The following SERPINB7 variants were observed in gnomAD, a reference collection of about 807,000 sequenced individuals.
The protein encoded by SERPINB7 is serpin family B member 7.
In SERPINB7, 31 loss-of-function variants were observed where a neutral mutation model predicts 37.4. The ratio of observed to expected loss-of-function variants is 0.83; its 90% confidence interval spans 0.62 to 1.12. The LOEUF (loss-of-function observed/expected upper bound fraction) is 1.12, where lower values mean the gene tolerates loss of function less well. Ranked by LOEUF, SERPINB7 falls within the 50% of genes most tolerant of loss-of-function variation. The probability of loss-of-function intolerance (pLI) is 0.00; values close to 1 mark genes in which losing one functional copy is unlikely to be tolerated. For synonymous variants in SERPINB7, 163 were observed against 166.1 expected (o/e 0.98, Z 0.14); for missense variants, 521 against 455.3 (o/e 1.14, Z -1.31).
rs147464496 is a variant in SERPINB7 at position 63,763,950 on chromosome 18, C to T, written c.-19+10830C>T. ...CAATGAACCCAGAAAAGAACAAGTT[C>T]GACCTGTGTTACTAAATGGGTCACT... On this transcript the variant is annotated intron_variant, in intron 1 of 7. Transcript: ENST00000336429. 3.4e-3 allele frequency among the ~76,000 whole-genome samples: 513 copies of T among 152,234 alleles called. 2 individuals carry two copies. Among genetic ancestry groups the T allele is most frequent in the African/African-American group, 0.012 (498 of 41,540 alleles).
chr18:63,763,320 G>A (rs1031929625), intron 1 of SERPINB7, among the ~76,000 whole-genome samples: 11 of 152,040 alleles, frequency 7.2e-5, no homozygotes, highest in South Asian at 2.1e-4. Flanking sequence ...CTAATATATC[G>A]TCCAGAAAGT....
chr18:63,763,064 C>T (rs2049162850), intron 1 of SERPINB7, among the ~76,000 whole-genome samples: 1 of 152,084 alleles, frequency 6.6e-6, no homozygotes, highest in Non-Finnish European at 1.5e-5. Context: ...ACTCCTTTAA[C>T]TGTGGATTTG....
chr18:63,783,835 G>A (rs890999984), intron 2 of SERPINB7, among the ~76,000 whole-genome samples: 2 of 152,186 alleles, frequency 1.3e-5, no homozygotes, highest in Non-Finnish European at 2.9e-5. Context: ...GGAATCTGGT[G>A]CCTGTTGTAA....
rs1288300325 is a variant in SERPINB7, at chr18:63,804,446, A to T, written c.954A>T (p.Ile318=). Residue 318 remains isoleucine, a synonymous_variant, in exon 8 of 8, where the codon ATA becomes ATT. Transcript: ENST00000398019. ...SGIASGGRLY[I]SRMMHKSYIE... is the part of the protein sequence containing the mutation. ...TTGCTTCGGGGGGTCGTCTGTATAT[A>T]TCAAGGATGATGCACAAATCTTACA... The T allele has an allele frequency of 6.2e-7, 1 of 1,613,690 alleles. No individual in the cohort carries two copies. Among genetic ancestry groups the T allele is most frequent in the East Asian group, 2.2e-5 (1 of 44,874 alleles).
At chr18:63,760,481 C>A (rs537760493) in intron 1 of SERPINB7, among the ~76,000 whole-genome samples, 1 of 152,306 alleles carries the variant, frequency 6.6e-6, no homozygotes, top group South Asian at 2.1e-4. Context: ...GAAATTCAAG[C>A]TGGCTGCAGA....
Position 63,804,538 on chromosome 18 carries a change from T to C in SERPINB7, c.1046T>C (p.Leu349Pro), listed in dbSNP as rs2049587096. The C allele has an allele frequency of 6.2e-7, 1 of 1,613,818 alleles. No homozygotes were observed. Among genetic ancestry groups the C allele is most frequent in the Non-Finnish European group, 8.5e-7 (1 of 1,179,888 alleles). Residue 349 changes from leucine to proline, a missense_variant, in exon 8 of 8, where the codon CTC (leucine) becomes CCC (proline). Transcript: ENST00000398019. ...GGAAGTAATATTGTAGAAAAGCAAC[T>C]CCCTCAGTCCACGCTGTTTAGAGCT... Reference protein sequence around the residue: ...ATGSNIVEKQLPQSTLFRADH... With the variant: ...ATGSNIVEKQPPQSTLFRADH...
chr18:63,761,508 G>A (rs184160250), intron 1 of SERPINB7, among the ~76,000 whole-genome samples: 1 of 152,166 alleles, frequency 6.6e-6, no homozygotes, highest in Non-Finnish European at 1.5e-5. Context: ...TTTAAAATGT[G>A]AGGACATGAG....
At position 63,756,804 on chromosome 18, in the gene SERPINB7, T is replaced by TGTGTG. The variant is rs2049124615; in HGVS notation, c.-19+3684_-19+3685insGTGTG. Among the ~76,000 whole-genome samples the TGTGTG allele has an allele frequency of 2.4e-3, 326 of 137,346 alleles. 14 individuals are homozygous for TGTGTG. In the East Asian group the frequency reaches 0.059, roughly 25 times the overall value. 90.1% of individuals were successfully genotyped at this position (137,346 alleles called of 152,430 possible). On this transcript the variant is annotated intron_variant, in intron 1 of 7. Transcript: ENST00000336429. Reference sequence around the variant, plus strand: ...GTTGTTTCCAGGGTCTTGGGGTAGCTTGTGTGTGTGTGTGTGTGTGTGTGT... The same window carrying TGTGTG: ...GTTGTTTCCAGGGTCTTGGGGTAGCTGTGTGTGTGTGTGTGTGTGTGTGTGTGTGT...
At chr18:63,783,230 G>GAAAGAAAGAAAGAA (rs2049327518) in intron 2 of SERPINB7, among the ~76,000 whole-genome samples, 2 of 61,866 alleles carry the variant, frequency 3.2e-5, no homozygotes, top group African/African-American at 1.1e-4. Context: ...GAGAGAGAGA[G>GAAAGAAAGAAAGAA]AGAGAAAGAA....
At chr18:63,760,672 G>T (rs2049148387) in intron 1 of SERPINB7, among the ~76,000 whole-genome samples, 1 of 152,154 alleles carries the variant, frequency 6.6e-6, no homozygotes, top group Non-Finnish European at 1.5e-5. Flanking sequence ...CTAGGGTCTT[G>T]GTGCCCTCTG....
rs1011102594 is a variant in SERPINB7 at position 63,775,711 on chromosome 18, G to A, written c.-24G>A. The A allele has an allele frequency of 1.2e-4, 19 of 152,132 alleles. No individual in the cohort carries two copies. Among genetic ancestry groups the A allele is most frequent in the African/African-American group, 4.3e-4 (18 of 41,422 alleles). 9.4% of individuals were successfully genotyped at this position (152,132 alleles called of 1,614,324 possible). On this transcript the variant is annotated 5_prime_UTR_variant, in exon 1 of 8. An upstream start codon of the reference 5' UTR is lost. Transcript: ENST00000398019. ...CCATCACTGCTTCTGGGTATCAGAT[G>A]CTAGCGTGAGTACACTGTTGATTTG...
At chr18:63,761,611 G>GT (rs2049154290) in intron 1 of SERPINB7, among the ~76,000 whole-genome samples, 1 of 152,180 alleles carries the variant, frequency 6.6e-6, no homozygotes, top group Non-Finnish European at 1.5e-5. Flanking sequence ...CCCACATGTT[G>GT]TGGGAGGGAC....
chr18:63,796,727 C>T (rs1051309586), intron 5 of SERPINB7, among the ~76,000 whole-genome samples: 4 of 152,064 alleles, frequency 2.6e-5, no homozygotes, highest in Non-Finnish European at 2.9e-5. Flanking sequence ...CGTTAGTGAA[C>T]AAAAACTAAG....
chr18:63,791,028 T>C (rs1434046532), intron 2 of SERPINB7, among the ~76,000 whole-genome samples: 1 of 151,562 alleles, frequency 6.6e-6, no homozygotes, highest in Non-Finnish European at 1.5e-5. Context: ...CTCAGCAAAC[T>C]AACACAGGAA....
At chr18:63,801,603 A>G (rs887231823) in intron 7 of SERPINB7, among the ~76,000 whole-genome samples, 5 of 152,136 alleles carry the variant, frequency 3.3e-5, no homozygotes, top group African/African-American at 1.2e-4. Context: ...GTTTTCAAGG[A>G]TAGTTTGGTG....
rs2144630861 is a variant in SERPINB7 at position 63,792,374 on chromosome 18, C to G, written c.169-19C>G. ...AACCTCTGATTCTAATGATTGCTTT[C>G]CTTGTGCCCTGTTTACAGTTGCTTC... On this transcript the variant is annotated intron_variant, in intron 2 of 7. Transcript: ENST00000398019. 3.2e-6 allele frequency: 5 copies of G among 1,576,014 alleles called. No homozygotes were observed. The East Asian group carries it at 1.1e-4, about 35-fold the overall frequency.
At chr18:63,792,318 A>G (rs537942108) in intron 2 of SERPINB7, 75 bp from the exon 3 acceptor site, 1 of 1,094,952 alleles carries the variant, frequency 9.1e-7, no homozygotes, top group East Asian at 2.4e-5. Context: ...GAATATTTTT[A>G]TTTTTAAAAC....
At chr18:63,782,602 G>A (rs1019564624) in intron 2 of SERPINB7, 62 bp downstream of exon 2, 4 of 1,473,174 alleles carry the variant, frequency 2.7e-6, no homozygotes, top group South Asian at 2.7e-5. Flanking sequence ...AGAACATTTC[G>A]TTGCAATGGT....
intron 1 of SERPINB7, among the ~76,000 whole-genome samples, chr18:63,777,028 G>C (rs929746718): frequency 6.6e-6 from 1 of 152,066 alleles, no homozygotes; most frequent in Non-Finnish European, 1.5e-5. Flanking sequence ...AATAAAGGCA[G>C]TATGGGCAAA....
Sources: gnomAD v4.1 joint callset for allele counts (sites outside exome capture counted in the v4.1 genomes callset) on GRCh38, gnomAD v4.1.1 for gene constraint, MANE v1.5 for transcripts, NCBI Gene and HGNC (gene_info 2026-07-23, HGNC 2026-07-21) for gene names.